Variants in SYT5 observed in about 807,000 individuals in gnomAD.
The protein encoded by SYT5 is synaptotagmin 5.
Under a neutral mutation model 36.0 loss-of-function variants are expected in SYT5, and 29 were observed. The ratio of observed to expected loss-of-function variants is 0.81; its 90% CI spans 0.60 to 1.10. SYT5 has a LOEUF of 1.10. Among genes scored for constraint, SYT5 ranks in the 50% least tolerant of loss-of-function variants. The pLI is 0.00. For synonymous variants in SYT5, 231 were observed against 227.6 expected, an observed-to-expected ratio of 1.02 and a Z score of -0.14; for missense variants, 512 against 516.0, an observed-to-expected ratio of 0.99 and a Z score of 0.08.
Position 55,179,440 on chromosome 19 carries a change from A to G in SYT5, c.-45-354T>C. The G allele has an allele frequency of 2.4e-6, 1 of 411,936 alleles. No homozygotes were observed. Among genetic ancestry groups the G allele is most frequent in the Non-Finnish European group, 4.2e-6 (1 of 237,502 alleles). The allele number at this position is 411,936 out of a possible 1,614,324, so 25.5% of individuals were successfully genotyped here. ...CTCCTCTCAAGCGGGGTGAGAGCAA[A>G]GCTGGTTGCCCGGGCAACGGGTTGT... On this transcript the variant is annotated intron_variant, in intron 1 of 8. Transcript: ENST00000354308. The surrounding 1 kb of genome is among the most constrained non-coding windows in gnomAD (Gnocchi z 4.5).
chr19:55,179,111 C>G lies in SYT5; in HGVS notation c.-45-25G>C, dbSNP rs1480204448. 6 of 1,549,756 alleles carry G rather than the reference C, an allele frequency of 3.9e-6. No individual in the cohort carries two copies. Among genetic ancestry groups the G allele is most frequent in the Non-Finnish European group, 4.3e-6 (5 of 1,149,764 alleles). The stretch of plus-strand genomic sequence containing the variant: ...CCTAGTCCCCCATTCCCACCCCAGA[C>G]GTCCTTTGAGCCCCACGCACAACAA... On this transcript the variant is annotated intron_variant, in intron 1 of 8. Coordinates refer to ENST00000354308, the MANE Select transcript of SYT5 (RefSeq NM_003180.3). The surrounding 1 kb of genome is among the most constrained non-coding windows in gnomAD (Gnocchi z 4.5).
rs138357996 is a variant in SYT5 at position 55,175,802 on chromosome 19, C to G, written c.447G>C (p.Arg149=). 3 of 1,614,182 alleles carry G rather than the reference C, an allele frequency of 1.9e-6. No homozygotes were observed. The highest frequency in any genetic ancestry group is 2.5e-6 in the Non-Finnish European group (3 of 1,180,026). The change falls in exon 5 of 9, where the codon CGG becomes CGC. Residue 149 remains arginine, a synonymous_variant. Coordinates refer to ENST00000354308, the MANE Select transcript of SYT5 (RefSeq NM_003180.3). The surrounding 1 kb of genome is among the most constrained non-coding windows in gnomAD (Gnocchi z 4.5). ...DLGGSSDPYV[R]VYLLPDKRRR... is the part of the protein sequence containing the mutation. ...TCCGTTTGTCCGGCAGCAGGTAGAC[C>G]CGCACATAGGGGTCCGAGGAGCCAC...
intron 3 of SYT5, chr19:55,177,534 C>A (rs190033745): frequency 6.6e-6 from 1 of 152,232 alleles, no homozygotes; most frequent in Admixed American, 6.5e-5. Flanking sequence ...TTAAAGTATT[C>A]TGGCACAAAG....
rs1183645806 is a variant in SYT5 at position 55,173,273 on chromosome 19, G to C, written c.*211C>G. 5 of 434,032 alleles carry C rather than the reference G, an allele frequency of 1.2e-5. No individual in the cohort carries two copies. The highest frequency in any genetic ancestry group is 1.0e-4 in the African/African-American group (5 of 48,878). The allele number at this position is 434,032 out of a possible 1,614,324, so 26.9% of individuals were successfully genotyped here. A position where few individuals can be genotyped will look rare whatever the true frequency, so the allele number is the denominator to read the frequency against. On this transcript the variant is annotated 3_prime_UTR_variant, in exon 9 of 9. Coordinates refer to ENST00000354308, the MANE Select transcript of SYT5 (RefSeq NM_003180.3). This position sits in a 1 kb window ranked among gnomAD's most constrained non-coding sequence, Gnocchi z 5.4. ...GTCCCTGGGGCATCTGGGTGTGTCC[G>C]CGAGGGTCGGGGGAGTGTGCTGGAA...
In SYT5 at chr19:55,175,706, C is replaced by T. The variant is rs1375178268; in HGVS notation, c.540+3G>A. 1 of 1,612,866 alleles carries T rather than the reference C, an allele frequency of 6.2e-7. No individual in the cohort carries two copies. Among genetic ancestry groups the T allele is most frequent in the Non-Finnish European group, 8.5e-7 (1 of 1,179,860 alleles). Reference sequence around the variant, plus strand: ...AACACGGGGCCTGAAGGCAGGAGCTCACCTTGAAGGCGAAGGTCTCCCCAA... The same window carrying T: ...AACACGGGGCCTGAAGGCAGGAGCTTACCTTGAAGGCGAAGGTCTCCCCAA... On this transcript the variant is annotated splice_donor_region_variant and intron_variant, in intron 5 of 8. Coordinates refer to ENST00000354308, the MANE Select transcript of SYT5 (RefSeq NM_003180.3). This position sits in a 1 kb window ranked among gnomAD's most constrained non-coding sequence, Gnocchi z 4.5.
rs769833816 is a variant in SYT5 at position 55,172,713 on chromosome 19, A to G, written c.*771T>C. 1.3e-5 allele frequency: 2 copies of G among 151,982 alleles called. No individual in the cohort carries two copies. Among genetic ancestry groups the G allele is most frequent in the Admixed American group, 6.6e-5 (1 of 15,236 alleles). 9.4% of individuals were successfully genotyped at this position (151,982 alleles called of 1,614,324 possible). On this transcript the variant is annotated 3_prime_UTR_variant, in exon 9 of 9. Coordinates refer to ENST00000354308, the MANE Select transcript of SYT5 (RefSeq NM_003180.3). Reference sequence around the variant, plus strand: ...CAGCACTCAACAGAAGACCTCAGGGAATATGGAATGGAAGGAAGAAAAAAA... The same window carrying G: ...CAGCACTCAACAGAAGACCTCAGGGGATATGGAATGGAAGGAAGAAAAAAA...
At position 55,174,981 on chromosome 19, in the gene SYT5, T is replaced by C. The variant is rs1292850868; in HGVS notation, c.727A>G (p.Ile243Val). 6.2e-7 allele frequency: 1 copy of C among 1,613,792 alleles called. No individual in the cohort carries two copies. Among genetic ancestry groups the C allele is most frequent in the East Asian group, 2.2e-5 (1 of 44,868 alleles). ...GGGACATAGCGGAGGGAGAAGCAGA[T>C]GTCCCCAAGCTTCTCCTGCTGAAAG... Reference protein sequence around the residue: ...PREEQEKLGDICFSLRYVPTA... With the variant: ...PREEQEKLGDVCFSLRYVPTA... The change falls in exon 7 of 9, where the codon ATC becomes GTC. Residue 243 changes from isoleucine (I) to valine (V), a missense_variant. Transcript: ENST00000354308.
rs2086024626 is a variant in SYT5 at position 55,173,288 on chromosome 19, G to A, written c.*196C>T. 1 of 448,884 alleles carries A rather than the reference G, an allele frequency of 2.2e-6. No homozygotes were observed. Among genetic ancestry groups the A allele is most frequent in the Non-Finnish European group, 3.7e-6 (1 of 269,652 alleles). The allele number at this position is 448,884 out of a possible 1,614,324, so 27.8% of individuals were successfully genotyped here. A position where few individuals can be genotyped will look rare whatever the true frequency, so the allele number is the denominator to read the frequency against. ...GGGTGTGTCCGCGAGGGTCGGGGGA[G>A]TGTGCTGGAAAGTTGTCGTGATTGG... On this transcript the variant is annotated 3_prime_UTR_variant, in exon 9 of 9. Transcript: ENST00000354308. The surrounding 1 kb of genome is among the most constrained non-coding windows in gnomAD (Gnocchi z 5.4).
At position 55,179,282 on chromosome 19, in the gene SYT5, C is replaced by T. The variant is rs1003954823; in HGVS notation, c.-45-196G>A. ...CCTAGTTCCATCCTAAAGGGATACCCTCTTCCTCCACGGCCCCACAGGCAT... is the reference window on the plus strand; with the variant it reads ...CCTAGTTCCATCCTAAAGGGATACCTTCTTCCTCCACGGCCCCACAGGCAT... On this transcript the variant is annotated intron_variant, in intron 1 of 8. Coordinates refer to ENST00000354308, the MANE Select transcript of SYT5 (RefSeq NM_003180.3). The surrounding 1 kb of genome is among the most constrained non-coding windows in gnomAD (Gnocchi z 4.5). The T allele has an allele frequency of 5.8e-6, 8 of 1,372,610 alleles. No individual in the cohort carries two copies. In the Admixed American group the frequency reaches 1.7e-4, roughly 28 times the overall value. The allele number at this position is 1,372,610 out of a possible 1,614,324, so 85.0% of individuals were successfully genotyped here. A position where few individuals can be genotyped will look rare whatever the true frequency, so the allele number is the denominator to read the frequency against.
Position 55,179,055 on chromosome 19 carries a change from T to A in SYT5, c.-14A>T. ...CTCCGGGAACATGGTGGCGGGGTCC[T>A]GGAGTCTTTTCTGCAGAGACACTCA... On this transcript the variant is annotated 5_prime_UTR_variant, in exon 2 of 9. Coordinates refer to ENST00000354308, the MANE Select transcript of SYT5 (RefSeq NM_003180.3). The surrounding 1 kb of genome is among the most constrained non-coding windows in gnomAD (Gnocchi z 4.5). The A allele has an allele frequency of 6.2e-7, 1 of 1,602,030 alleles. No individual in the cohort carries two copies. The highest frequency in any genetic ancestry group is 2.3e-5 in the East Asian group (1 of 44,178).
chr19:55,173,691 T>A lies in SYT5; in HGVS notation c.961-7A>T, dbSNP rs1599939896. The stretch of plus-strand genomic sequence containing the variant: ...TCAGCTCCACCTGCACCTTCTGGGG[T>A]GGGCGCGGGAGGAAGAGGAGAGAGG... On this transcript the variant is annotated splice_polypyrimidine_tract_variant and splice_region_variant and intron_variant, in intron 8 of 8. Transcript: ENST00000354308. The surrounding 1 kb of genome is among the most constrained non-coding windows in gnomAD (Gnocchi z 5.4). The A allele has an allele frequency of 4.4e-6, 6 of 1,371,398 alleles. No individual in the cohort carries two copies. In the East Asian group the frequency reaches 1.9e-4, roughly 42 times the overall value. The allele number at this position is 1,371,398 out of a possible 1,614,324, so 85.0% of individuals were successfully genotyped here. A position where few individuals can be genotyped will look rare whatever the true frequency, so the allele number is the denominator to read the frequency against.
At position 55,175,483 on chromosome 19, in the gene SYT5, C is replaced by T; in HGVS notation, c.541-144G>A. 1 of 1,130,144 alleles carries T rather than the reference C, an allele frequency of 8.8e-7. No homozygotes were observed. Among genetic ancestry groups the T allele is most frequent in the Non-Finnish European group, 1.2e-6 (1 of 818,302 alleles). The allele number at this position is 1,130,144 out of a possible 1,614,324, so 70.0% of individuals were successfully genotyped here. ...AACTCAAATGGGAAAGTCCAGGGAT[C>T]CATGCGGAAAAAAATCACGGGTCAG... On this transcript the variant is annotated intron_variant, in intron 5 of 8. Coordinates refer to ENST00000354308, the MANE Select transcript of SYT5 (RefSeq NM_003180.3). The surrounding 1 kb of genome is among the most constrained non-coding windows in gnomAD (Gnocchi z 4.5).
Position 55,173,452 on chromosome 19 carries a change from G to A in SYT5, c.*32C>T. ...CGGGAGTCTGGGGTCAGGGGCTAGA[G>A]TCCAGGCTTGGCCGGGGGCTTGGGG... On this transcript the variant is annotated 3_prime_UTR_variant, in exon 9 of 9. Transcript: ENST00000354308. This position sits in a 1 kb window ranked among gnomAD's most constrained non-coding sequence, Gnocchi z 5.4. The A allele has an allele frequency of 1.5e-6, 2 of 1,344,082 alleles. No individual in the cohort carries two copies. Among genetic ancestry groups the A allele is most frequent in the Non-Finnish European group, 1.9e-6 (2 of 1,049,878 alleles). The allele number at this position is 1,344,082 out of a possible 1,614,324, so 83.3% of individuals were successfully genotyped here.
In SYT5 at chr19:55,172,703, G is replaced by T. The variant is rs1286955469; in HGVS notation, c.*781C>A. On this transcript the variant is annotated 3_prime_UTR_variant, in exon 9 of 9. Transcript: ENST00000354308. ...TCTGGGGCCCCAGCACTCAACAGAAGACCTCAGGGAATATGGAATGGAAGG... is the reference window on the plus strand; with the variant it reads ...TCTGGGGCCCCAGCACTCAACAGAATACCTCAGGGAATATGGAATGGAAGG... The T allele has an allele frequency of 6.6e-6, 1 of 151,872 alleles. No individual in the cohort carries two copies. Among genetic ancestry groups the T allele is most frequent in the Non-Finnish European group, 1.5e-5 (1 of 68,006 alleles). The allele number at this position is 151,872 out of a possible 1,614,324, so 9.4% of individuals were successfully genotyped here. A position where few individuals can be genotyped will look rare whatever the true frequency, so the allele number is the denominator to read the frequency against.
In SYT5 at chr19:55,173,123, C is replaced by T. The variant is rs904344028; in HGVS notation, c.*361G>A. ...CCGGAGCTGCTGAATATTTATTTGG[C>T]CCCAGGAGCAGTGCAGGGATGGGCT... On this transcript the variant is annotated 3_prime_UTR_variant, in exon 9 of 9. Transcript: ENST00000354308. This position sits in a 1 kb window ranked among gnomAD's most constrained non-coding sequence, Gnocchi z 5.4. 4 of 222,348 alleles carry T rather than the reference C, an allele frequency of 1.8e-5. No homozygotes were observed. Among genetic ancestry groups the T allele is most frequent in the African/African-American group, 9.1e-5 (4 of 43,950 alleles). The allele number at this position is 222,348 out of a possible 1,614,324, so 13.8% of individuals were successfully genotyped here.
chr19:55,177,723 CT>C (rs1254852485), intron 3 of SYT5, among the ~76,000 whole-genome samples: 8 of 152,204 alleles, frequency 5.3e-5, no homozygotes, highest in Admixed American at 2.0e-4. Context: ...CCATGGCTGG[CT>C]TTTGTATTTT....
rs1336634972 is a variant in SYT5, at chr19:55,175,833, T to C, written c.416A>G (p.Asp139Gly). 40 of 1,614,022 alleles carry C rather than the reference T, an allele frequency of 2.5e-5. No homozygotes were observed. Among genetic ancestry groups the C allele is most frequent in the Non-Finnish European group, 3.3e-5 (39 of 1,179,996 alleles). The change falls in exon 5 of 9, where the codon GAT (aspartate) becomes GGT (glycine). Residue 139 changes from aspartate (D) to glycine (G), a missense_variant. Asp to Gly is a moderately conservative substitution (Grantham distance 94). Coordinates refer to ENST00000354308, the MANE Select transcript of SYT5 (RefSeq NM_003180.3). The surrounding 1 kb of genome is among the most constrained non-coding windows in gnomAD (Gnocchi z 4.5). ...ILQAMGLAAL[D>G]LGGSSDPYVR... ...ATAGGGGTCCGAGGAGCCACCAAGA[T>C]CCAAGGCTGCCAATCCCATTGCTTG... is the stretch of plus-strand genomic sequence containing the variant.
chr19:55,173,306 G>A lies in SYT5; in HGVS notation c.*178C>T. 1 of 486,132 alleles carries A rather than the reference G, an allele frequency of 2.1e-6. No individual in the cohort carries two copies. Among genetic ancestry groups the A allele is most frequent in the Non-Finnish European group, 3.3e-6 (1 of 302,678 alleles). The allele number at this position is 486,132 out of a possible 1,614,324, so 30.1% of individuals were successfully genotyped here. On this transcript the variant is annotated 3_prime_UTR_variant, in exon 9 of 9. Coordinates refer to ENST00000354308, the MANE Select transcript of SYT5 (RefSeq NM_003180.3). This position sits in a 1 kb window ranked among gnomAD's most constrained non-coding sequence, Gnocchi z 5.4. ...CGGGGGAGTGTGCTGGAAAGTTGTC[G>A]TGATTGGCATCGTTGGGGGTGAGAA...
Position 55,178,310 on chromosome 19 carries a change from G to C in SYT5, c.138C>G (p.Cys46Trp), listed in dbSNP as rs1466761507. Residue 46 changes from cysteine to tryptophan, a missense_variant, in exon 3 of 9, where the codon TGC becomes TGG. By Grantham distance (215) the Cys-to-Trp change is radical. Transcript: ENST00000354308. Reference sequence around the variant, plus strand: ...AGCTCTTCCGGTAGAGACAGAAACAGCAGCTGAAGATGAGGAGGCCTGAGA... The same window carrying C: ...AGCTCTTCCGGTAGAGACAGAAACACCAGCTGAAGATGAGGAGGCCTGAGA... ...VLVSGLLIFS[C>W]CFCLYRKSCR... is the part of the protein sequence containing the mutation. The C allele has an allele frequency of 1.2e-6, 2 of 1,612,098 alleles. No homozygotes were observed. Among genetic ancestry groups the C allele is most frequent in the Non-Finnish European group, 1.7e-6 (2 of 1,179,472 alleles).
Sources: gnomAD v4.1 joint callset for allele counts (sites outside exome capture counted in the v4.1 genomes callset) on GRCh38, gnomAD v4.1.1 for gene constraint, Gnocchi (gnomAD v3.1) non-coding constraint, MANE v1.5 for transcripts, NCBI Gene and HGNC (gene_info 2026-07-23, HGNC 2026-07-21) for gene names.